NEGR1: variants seen among roughly 807,000 people sequenced by gnomAD.
NEGR1 encodes IgLON family member 4.
NEGR1 carries 10 observed loss-of-function variants against 40.9 expected under a neutral mutation model. That is an observed-to-expected ratio of 0.24 (90% confidence interval 0.15 to 0.42). NEGR1 has a LOEUF of 0.42. Among genes scored for constraint, NEGR1 ranks in the 10% least tolerant of loss-of-function variants. The probability of loss-of-function intolerance (pLI) is 1.00; values close to 1 mark genes in which losing one functional copy is unlikely to be tolerated. For synonymous variants in NEGR1, 185 were observed against 166.8 expected, an observed-to-expected ratio of 1.11 and a Z score of -0.84; for missense variants, 352 against 438.9, an observed-to-expected ratio of 0.80 and a Z score of 1.77.
At chr1:71,757,469 T>C (rs935577430) in intron 3 of NEGR1, among the ~76,000 whole-genome samples, 2 of 152,138 alleles carry the variant, frequency 1.3e-5, no homozygotes, top group East Asian at 1.9e-4. Flanking sequence ...AATAGTTATA[T>C]GGAAGTCTCA....
chr1:71,844,837 G>T (rs1415590812), intron 2 of NEGR1, among the ~76,000 whole-genome samples: 3 of 152,144 alleles, frequency 2.0e-5, no homozygotes, highest in Non-Finnish European at 4.4e-5. Context: ...CCAACCCCAG[G>T]ACAGAGATTG....
intron 6 of NEGR1, among the ~76,000 whole-genome samples, chr1:71,586,388 C>T (rs546799001): frequency 1.3e-5 from 2 of 152,134 alleles, no homozygotes; most frequent in Non-Finnish European, 2.9e-5. Flanking sequence ...GATTTGTCTC[C>T]AACTTAACCA....
chr1:71,415,429 T>C (rs991959660), intron 6 of NEGR1, among the ~76,000 whole-genome samples: 1 of 152,064 alleles, frequency 6.6e-6, no homozygotes, highest in Admixed American at 6.6e-5. Context: ...GTTCACAATA[T>C]ACCCTCCTAT....
chr1:72,045,811 A>G (rs1646996531), intron 1 of NEGR1, among the ~76,000 whole-genome samples: 1 of 144,266 alleles, frequency 6.9e-6, no homozygotes, highest in Non-Finnish European at 1.5e-5. Flanking sequence ...AGAGACTACC[A>G]TAGGAAAAAT....
chr1:71,466,962 A>T (rs561729966), intron 6 of NEGR1, among the ~76,000 whole-genome samples: 1 of 152,224 alleles, frequency 6.6e-6, no homozygotes, highest in African/African-American at 2.4e-5. Context: ...GGCTAACCTT[A>T]AGCCGGTTCT....
intron 1 of NEGR1, among the ~76,000 whole-genome samples, chr1:72,036,410 C>A (rs1167359262): frequency 6.6e-6 from 1 of 152,000 alleles, no homozygotes; most frequent in African/African-American, 2.4e-5. Context: ...AATCCCAGCA[C>A]TTTGGGAGGC....
At chr1:71,919,083 C>G (rs974540499) in intron 2 of NEGR1, among the ~76,000 whole-genome samples, 1 of 152,114 alleles carries the variant, frequency 6.6e-6, no homozygotes. Context: ...ATACCTCCAC[C>G]TCTACATTCT....
chr1:72,031,060 A>C (rs1186937866), intron 1 of NEGR1, among the ~76,000 whole-genome samples: 1 of 152,182 alleles, frequency 6.6e-6, no homozygotes, highest in Non-Finnish European at 1.5e-5. Context: ...TTTCACATTA[A>C]CTAACAGGAC....
intron 6 of NEGR1, among the ~76,000 whole-genome samples, chr1:71,499,272 A>G (rs1439028127): frequency 6.6e-6 from 1 of 151,848 alleles, no homozygotes; most frequent in Non-Finnish European, 1.5e-5. Context: ...TTTCTTTTTA[A>G]AAATGGACCA....
intron 1 of NEGR1, among the ~76,000 whole-genome samples, chr1:71,946,302 G>GC (rs1553123905): frequency 1.3e-5 from 2 of 151,632 alleles, no homozygotes; most frequent in African/African-American, 4.8e-5. Context: ...CTCAACCTCA[G>GC]TTTTTTTTCT....
At chr1:71,993,532 T>C (rs1646474335) in intron 1 of NEGR1, among the ~76,000 whole-genome samples, 1 of 152,196 alleles carries the variant, frequency 6.6e-6, no homozygotes, top group Non-Finnish European at 1.5e-5. Context: ...GGAAACATTA[T>C]GTAAAACTGA....
intron 1 of NEGR1, among the ~76,000 whole-genome samples, chr1:72,066,398 G>A (rs181458008): frequency 6.1e-4 from 93 of 152,214 alleles, no homozygotes; most frequent in African/African-American, 2.1e-3. Context: ...CCTACTTCTA[G>A]AGGCCTGAAA....
chr1:72,213,110 T>C (rs1486848301), intron 1 of NEGR1, among the ~76,000 whole-genome samples: 1 of 151,958 alleles, frequency 6.6e-6, no homozygotes. Context: ...AAAGAATAAA[T>C]ATTGCATCTT....
At chr1:71,463,481 G>A (rs1366922987) in intron 6 of NEGR1, 1 of 152,036 alleles carries the variant, frequency 6.6e-6, no homozygotes, top group Non-Finnish European at 1.5e-5. Flanking sequence ...TCCTACTGTG[G>A]CACCTACTGA....
chr1:71,845,518 G>T (rs1164529979), intron 2 of NEGR1, among the ~76,000 whole-genome samples: 1 of 152,050 alleles, frequency 6.6e-6, no homozygotes, highest in African/African-American at 2.4e-5. Context: ...TAATACTAAT[G>T]AAACTAAGTA....
intron 2 of NEGR1, among the ~76,000 whole-genome samples, chr1:71,816,243 T>C (rs538725562): frequency 2.2e-4 from 33 of 152,222 alleles, no homozygotes; most frequent in Non-Finnish European, 4.7e-4. Flanking sequence ...AACAATTACA[T>C]GTCTTCTTTT....
At chr1:71,490,874 A>G (rs1321698759) in intron 6 of NEGR1, among the ~76,000 whole-genome samples, 4 of 152,028 alleles carry the variant, frequency 2.6e-5, no homozygotes, top group African/African-American at 9.7e-5. Context: ...CCACTCTGGA[A>G]CTAATTTCTT....
At chr1:71,698,990 A>G (rs1570227025) in intron 3 of NEGR1, among the ~76,000 whole-genome samples, 1 of 151,902 alleles carries the variant, frequency 6.6e-6, no homozygotes, top group African/African-American at 2.4e-5. Flanking sequence ...CAAAGGTAGA[A>G]TAAGCCTTTG....
At chr1:71,876,194 G>C (rs1660424944) in intron 2 of NEGR1, among the ~76,000 whole-genome samples, 1 of 151,976 alleles carries the variant, frequency 6.6e-6, no homozygotes, top group Admixed American at 6.6e-5. Context: ...TTTTTCTTCG[G>C]AAAAGTCCAG....
Sources: gnomAD v4.1 joint callset for allele counts (sites outside exome capture counted in the v4.1 genomes callset) on GRCh38, gnomAD v4.1.1 for gene constraint, MANE v1.5 for transcripts, NCBI Gene and HGNC (gene_info 2026-07-23, HGNC 2026-07-21) for gene names.